CHST11: variants seen among roughly 807,000 people sequenced by gnomAD.
CHST11 encodes the protein carbohydrate sulfotransferase 11, also known as C4S-1.
A neutral mutation model predicts 30.4 loss-of-function variants in CHST11; 9 were observed. The ratio of observed to expected loss-of-function variants is 0.30; its 90% CI spans 0.18 to 0.52. The LOEUF (loss-of-function observed/expected upper bound fraction) is 0.52. CHST11 is among the 20% of genes least tolerant of loss of function. CHST11 has a pLI of 0.97. For missense variants in CHST11, 348 were observed against 460.6 expected, an observed-to-expected ratio of 0.76 and a Z score of 2.24; for synonymous variants, 152 against 187.8, an observed-to-expected ratio of 0.81 and a Z score of 1.56.
chr12:104,753,596 A>G (rs2136147289), intron 2 of CHST11, among the ~76,000 whole-genome samples: 1 of 152,338 alleles, frequency 6.6e-6, no homozygotes, highest in South Asian at 2.1e-4. Context: ...CTTTGTGGCA[A>G]AATCTCAGCA....
At chr12:104,514,568 C>T (rs751207542) in intron 1 of CHST11, 20 of 427,278 alleles carry the variant, frequency 4.7e-5, no homozygotes, top group Admixed American at 7.0e-5. Flanking sequence ...ACTTGGCTCA[C>T]GGTTCTGCAG....
chr12:104,756,856 G>GT (rs2040480184), intron 2 of CHST11, 93 bp from the exon 3 acceptor site: 2 of 1,448,420 alleles, frequency 1.4e-6, no homozygotes, highest in Admixed American at 3.8e-5. Flanking sequence ...TTAGATATGT[G>GT]TTTGAACGGG....
rs1487070508 is a variant in CHST11 at position 104,472,356 on chromosome 12, A to T, written c.118+14827A>T. ...AATATTGATTATCTTAAGGCTCAAC[A>T]TGTTAAATACAAGATATTGGCTGCA... On this transcript the variant is annotated intron_variant, in intron 1 of 2. Transcript: ENST00000303694. Among the ~76,000 whole-genome samples the T allele has an allele frequency of 3.3e-5, 5 of 152,024 alleles. No individual in the cohort carries two copies. The South Asian group carries it at 1.0e-3, about 32-fold the overall frequency.
chr12:104,752,550 CAG>C (rs2040441924), intron 2 of CHST11, among the ~76,000 whole-genome samples: 1 of 151,630 alleles, frequency 6.6e-6, no homozygotes, highest in Admixed American at 6.6e-5. Context: ...ATTTTTGAGA[CAG>C]AGTCTCACTC....
intron 2 of CHST11, among the ~76,000 whole-genome samples, chr12:104,622,259 C>T (rs560797812): frequency 5.3e-5 from 8 of 152,220 alleles, no homozygotes; most frequent in East Asian, 3.9e-4. Flanking sequence ...ACACATTCAA[C>T]GTGAAATTTA....
intron 2 of CHST11, among the ~76,000 whole-genome samples, chr12:104,713,542 C>T (rs541052608): frequency 6.6e-6 from 1 of 152,254 alleles, no homozygotes; most frequent in South Asian, 2.1e-4. Context: ...ATCTGAACAG[C>T]TTACTCTGCG....
rs576208418 is a variant in CHST11, at chr12:104,743,684, G to T, written c.205-13265G>T. On this transcript the variant is annotated intron_variant, in intron 2 of 2. Transcript: ENST00000303694. ...ACATAGGTGAACTTGGGTCATGGGGGTCTGTTGTACAGATTCTTTCATCAC... is the reference window on the plus strand; with the variant it reads ...ACATAGGTGAACTTGGGTCATGGGGTTCTGTTGTACAGATTCTTTCATCAC... Among the ~76,000 whole-genome samples, 86 of 152,230 alleles carry T rather than the reference G, an allele frequency of 5.6e-4. 1 individual carries two copies. The highest frequency in any genetic ancestry group is 1.2e-3 in the Admixed American group (18 of 15,294).
intron 2 of CHST11, among the ~76,000 whole-genome samples, chr12:104,712,676 G>A (rs756597038): frequency 3.3e-5 from 5 of 152,084 alleles, no homozygotes; most frequent in Admixed American, 1.3e-4. Context: ...AATCCTGGTC[G>A]GCCAGAGCCT....
At chr12:104,504,724 G>A (rs2037886701) in intron 1 of CHST11, among the ~76,000 whole-genome samples, 1 of 152,088 alleles carries the variant, frequency 6.6e-6, no homozygotes. Flanking sequence ...CCATCTACTA[G>A]GGAGGCTGGG....
At chr12:104,670,221 G>A (rs565460762) in intron 2 of CHST11, among the ~76,000 whole-genome samples, 1 of 152,286 alleles carries the variant, frequency 6.6e-6, no homozygotes, top group Admixed American at 6.5e-5. Context: ...AGGCCTTGTG[G>A]TCTCCCAACT....
At chr12:104,590,601 A>G (rs905801457) in intron 1 of CHST11, among the ~76,000 whole-genome samples, 19 of 152,234 alleles carry the variant, frequency 1.2e-4, no homozygotes, top group African/African-American at 4.3e-4. Flanking sequence ...TAAGATAAAA[A>G]GACAGGAGAG....
chr12:104,533,151 A>G (rs182191503), intron 1 of CHST11, among the ~76,000 whole-genome samples: 42 of 152,294 alleles, frequency 2.8e-4, no homozygotes, highest in Non-Finnish European at 5.0e-4. Context: ...ACTCTGTTTT[A>G]TAAATTTCCA....
intron 2 of CHST11, among the ~76,000 whole-genome samples, chr12:104,700,151 T>G (rs951795314): frequency 2.7e-4 from 41 of 152,234 alleles, no homozygotes; most frequent in African/African-American, 9.4e-4. Flanking sequence ...TTTTTTTAAA[T>G]CAGATTAGAA....
At chr12:104,519,869 G>A (rs1027951290) in intron 1 of CHST11, among the ~76,000 whole-genome samples, 2 of 152,162 alleles carry the variant, frequency 1.3e-5, no homozygotes, top group South Asian at 2.1e-4. Flanking sequence ...GAACTGTTTC[G>A]GCAAAGCCTT....
At chr12:104,692,485 T>A (rs1274624896) in intron 2 of CHST11, among the ~76,000 whole-genome samples, 1 of 152,230 alleles carries the variant, frequency 6.6e-6, no homozygotes, top group African/African-American at 2.4e-5. Context: ...AAACTGTTGT[T>A]ATTTTACAGA....
chr12:104,512,851 AGCAGCCTCAGGT>A (rs2037979418), intron 1 of CHST11, among the ~76,000 whole-genome samples: 1 of 152,142 alleles, frequency 6.6e-6, no homozygotes, highest in Non-Finnish European at 1.5e-5. Flanking sequence ...GAGTGTGAAG[AGCAGCCTCAGGT>A]GCGCAGCCTT....
chr12:104,517,287 C>T (rs1001141989), intron 1 of CHST11, among the ~76,000 whole-genome samples: 3 of 152,180 alleles, frequency 2.0e-5, no homozygotes, highest in Non-Finnish European at 4.4e-5. Context: ...TTATTGCACC[C>T]GCGCTTGGAT....
At chr12:104,566,782 A>G (rs2136020539) in intron 1 of CHST11, among the ~76,000 whole-genome samples, 1 of 152,284 alleles carries the variant, frequency 6.6e-6, no homozygotes, top group East Asian at 1.9e-4. Flanking sequence ...ATGTTCCCCT[A>G]GTGTGAGTAC....
intron 2 of CHST11, among the ~76,000 whole-genome samples, chr12:104,750,809 A>G (rs1349013270): frequency 1.3e-5 from 2 of 152,074 alleles, no homozygotes; most frequent in Non-Finnish European, 2.9e-5. Flanking sequence ...AAATATTTTT[A>G]TTTTTTGAGA....
Sources: gnomAD v4.1 joint callset for allele counts (sites outside exome capture counted in the v4.1 genomes callset) on GRCh38, gnomAD v4.1.1 for gene constraint, MANE v1.5 for transcripts, NCBI Gene and HGNC (gene_info 2026-07-23, HGNC 2026-07-21) for gene names.